GRIN2D: variants seen among roughly 807,000 people sequenced by gnomAD.
GRIN2D encodes glutamate receptor ionotropic, NMDA 2D.
GRIN2D carries 37 observed loss-of-function variants against 103.2 expected under a neutral mutation model. The observed-to-expected ratio is 0.36, with a 90% CI of 0.28 to 0.47. The LOEUF (loss-of-function observed/expected upper bound fraction) is 0.47. Ranked by LOEUF, GRIN2D falls within the 20% of genes least tolerant of loss-of-function variation. The probability of loss-of-function intolerance (pLI) is 1.00; values close to 1 mark genes in which losing one functional copy is unlikely to be tolerated. For missense variants in GRIN2D, 1,557 were observed against 1,910.6 expected, an observed-to-expected ratio of 0.81 and a Z score of 3.45; for synonymous variants, 845 against 885.6, an observed-to-expected ratio of 0.95 and a Z score of 0.81.
At position 48,442,903 on chromosome 19, in the gene GRIN2D, T is replaced by TCCCCGCCGGCCGCTCAGC. The variant is rs1007163522; in HGVS notation, c.2984_3001dup (p.Pro995_Pro1000dup). ...GCGGGGCGCAGCCGGGCGCCCGCTG[T>TCCCCGCCGGCCGCTCAGC]CCCCGCCGGCCGCTCAGCCCCCGCA... On this transcript the variant is annotated inframe_insertion, in exon 14 of 14. Transcript: ENST00000263269. The surrounding 1 kb of genome is among the most constrained non-coding windows in gnomAD (Gnocchi z 7.2). The TCCCCGCCGGCCGCTCAGC allele has an allele frequency of 1.8e-6, 2 of 1,093,188 alleles. No individual in the cohort carries two copies. The highest frequency in any genetic ancestry group is 3.4e-5 in the African/African-American group (2 of 58,320). 67.7% of individuals were successfully genotyped at this position (1,093,188 alleles called of 1,614,324 possible). A position where few individuals can be genotyped will look rare whatever the true frequency, so the allele number is the denominator to read the frequency against.
intron 11 of GRIN2D, among the ~76,000 whole-genome samples, chr19:48,425,486 C>T (rs576976193): frequency 6.6e-6 from 1 of 152,322 alleles, no homozygotes; most frequent in East Asian, 1.9e-4. Flanking sequence ...AAGTGATTCA[C>T]CTGCTTCGGC....
chr19:48,402,115 G>GGAGA (rs1970717798), intron 3 of GRIN2D, among the ~76,000 whole-genome samples: 3 of 88,024 alleles, frequency 3.4e-5, no homozygotes, highest in African/African-American at 5.3e-5. Context: ...AGAAAGAGAA[G>GGAGA]GAAAGAAAGA....
rs1971351926 is a variant in GRIN2D, at chr19:48,444,162, T to G, written c.*225T>G. 2.5e-6 allele frequency: 1 copy of G among 396,112 alleles called. No homozygotes were observed. The highest frequency in any genetic ancestry group is 4.5e-6 in the Non-Finnish European group (1 of 223,294). The allele number at this position is 396,112 out of a possible 1,614,324, so 24.5% of individuals were successfully genotyped here. On this transcript the variant is annotated 3_prime_UTR_variant, in exon 14 of 14. Transcript: ENST00000263269. This position sits in a 1 kb window ranked among gnomAD's most constrained non-coding sequence, Gnocchi z 5.5. ...CCTGAGAACGAGGGGGCGGGGGCCT[T>G]GGAGCCCACCGGACTTTTTTTTAAA...
intron 7 of GRIN2D, 150 bp from the exon 8 acceptor site, chr19:48,415,852 C>T: frequency 5.8e-6 from 4 of 689,738 alleles, no homozygotes; most frequent in Non-Finnish European, 1.0e-5. Context: ...CACTCTTCGT[C>T]CCCCTCCTCA....
At chr19:48,418,396 G>A (rs1422120271) in intron 8 of GRIN2D, among the ~76,000 whole-genome samples, 1 of 152,118 alleles carries the variant, frequency 6.6e-6, no homozygotes, top group Non-Finnish European at 1.5e-5. Context: ...AGGAGAGTGT[G>A]ACAAGGCTGA....
Position 48,442,330 on chromosome 19 carries a change from G to C in GRIN2D, c.2621G>C (p.Arg874Pro). The C allele has an allele frequency of 6.2e-7, 1 of 1,613,678 alleles. No homozygotes were observed. Among genetic ancestry groups the C allele is most frequent in the Non-Finnish European group, 8.5e-7 (1 of 1,179,998 alleles). Residue 874 changes from arginine (R) to proline (P), a missense_variant, in exon 13 of 14, where the codon CGG (arginine) becomes CCG (proline). Arg to Pro is a moderately radical substitution (Grantham distance 103). Transcript: ENST00000263269. The surrounding 1 kb of genome is among the most constrained non-coding windows in gnomAD (Gnocchi z 7.2). ...GAGCACCTGGTGTACTGGCGCCTGC[G>C]GCACTGCCTGGGGCCCACCCACCGC... ...AWEHLVYWRL[R>P]HCLGPTHRMD...
chr19:48,419,379 TC>T lies in GRIN2D; in HGVS notation c.1861+25del. 1.3e-6 allele frequency: 2 copies of T among 1,583,346 alleles called. No individual in the cohort carries two copies. The highest frequency in any genetic ancestry group is 8.5e-7 in the Non-Finnish European group (1 of 1,171,446). ...GCAAGCGTGAGTCCCCCTTCCTCCA[TC>T]CCCCGCCTCGGAGATCCCGAACCAC... On this transcript the variant is annotated intron_variant, in intron 9 of 13. Transcript: ENST00000263269.
chr19:48,439,271 A>G (rs1971265347), intron 11 of GRIN2D, among the ~76,000 whole-genome samples: 2 of 151,970 alleles, frequency 1.3e-5, no homozygotes, highest in African/African-American at 2.4e-5. Flanking sequence ...TAAAAAATAT[A>G]TAAAATACAC....
chr19:48,405,993 G>C lies in GRIN2D; in HGVS notation c.1085+640G>C, dbSNP rs759850408. Among the ~76,000 whole-genome samples the C allele has an allele frequency of 5.9e-5, 9 of 152,212 alleles. No homozygotes were observed. Among genetic ancestry groups the C allele is most frequent in the Non-Finnish European group, 1.3e-4 (9 of 68,042 alleles). On this transcript the variant is annotated intron_variant, in intron 4 of 13. Transcript: ENST00000263269. This position sits in a 1 kb window ranked among gnomAD's most constrained non-coding sequence, Gnocchi z 5.1. ...ACTTTCCTTTTGAGTAAGTGAGGCA[G>C]AAAGGACACGCCTCATACCTTACTG...
Position 48,419,701 on chromosome 19 carries a change from C to A in GRIN2D, c.1978C>A (p.Leu660Met). 2.5e-6 allele frequency: 4 copies of A among 1,613,490 alleles called. No individual in the cohort carries two copies. The highest frequency in any genetic ancestry group is 3.4e-6 in the Non-Finnish European group (4 of 1,179,834). The change falls in exon 10 of 14, where the codon CTG becomes ATG. Residue 660 changes from leucine (L) to methionine (M), a missense_variant. By Grantham distance (15) the Leu-to-Met change is conservative. This residue lies in a region of GRIN2D where 197 missense variants were observed against 334.1 expected (regional missense o/e 0.59). Coordinates refer to ENST00000263269, the MANE Select transcript of GRIN2D (RefSeq NM_000836.4). ...PRGTTSKIMV[L>M]VWAFFAVIFL... is the part of the protein sequence containing the mutation. ...GGGAACCACCAGCAAAATCATGGTG[C>A]TGGTGTGGGCCTTCTTCGCCGTCAT...
At position 48,442,668 on chromosome 19, in the gene GRIN2D, C is replaced by G; in HGVS notation, c.2742C>G (p.Pro914=). ...PPAKPPPPPQ[P]LPSPAYPAPR... is the part of the protein sequence containing the mutation. ...CCAAGCCCCCGCCGCCGCCACAGCC[C>G]CTGCCCAGCCCCGCGTACCCCGCGC... The change falls in exon 14 of 14, where the codon CCC becomes CCG. Residue 914 remains proline, a synonymous_variant. Transcript: ENST00000263269. This position sits in a 1 kb window ranked among gnomAD's most constrained non-coding sequence, Gnocchi z 7.2. The G allele has an allele frequency of 7.4e-7, 1 of 1,346,386 alleles. No individual in the cohort carries two copies. The highest frequency in any genetic ancestry group is 1.7e-5 in the South Asian group (1 of 58,524). The allele number at this position is 1,346,386 out of a possible 1,614,324, so 83.4% of individuals were successfully genotyped here. A position where few individuals can be genotyped will look rare whatever the true frequency, so the allele number is the denominator to read the frequency against.
Position 48,394,777 on chromosome 19 carries a change from C to G in GRIN2D, c.-186C>G, listed in dbSNP as rs902056241. 6.4e-6 allele frequency: 1 copy of G among 155,780 alleles called. No homozygotes were observed. Among genetic ancestry groups the G allele is most frequent in the Admixed American group, 6.5e-5 (1 of 15,310 alleles). The allele number at this position is 155,780 out of a possible 1,614,324, so 9.6% of individuals were successfully genotyped here. Reference sequence around the variant, plus strand: ...ACGGAGCCAGGGACAGACAGGAGGTCCGGGCTGCCGCTGCTGCCGCCACCA... The same window carrying G: ...ACGGAGCCAGGGACAGACAGGAGGTGCGGGCTGCCGCTGCTGCCGCCACCA... On this transcript the variant is annotated 5_prime_UTR_variant, in exon 2 of 14. Transcript: ENST00000263269. This position sits in a 1 kb window ranked among gnomAD's most constrained non-coding sequence, Gnocchi z 5.1.
Position 48,442,742 on chromosome 19 carries a change from C to A in GRIN2D, c.2816C>A (p.Ser939Ter). The A allele has an allele frequency of 9.1e-7, 1 of 1,096,880 alleles. No individual in the cohort carries two copies. Among genetic ancestry groups the A allele is most frequent in the South Asian group, 3.5e-5 (1 of 28,746 alleles). 67.9% of individuals were successfully genotyped at this position (1,096,880 alleles called of 1,614,324 possible). Reference sequence around the variant, plus strand: ...CCTTTCGTGCCCCGCGAGCGCGCCTCAGTGGACCGCTGGCGCCGGACCAAG... The same window carrying A: ...CCTTTCGTGCCCCGCGAGCGCGCCTAAGTGGACCGCTGGCGCCGGACCAAG... ...PAPFVPRERA[S>*]VDRWRRTKGA... Residue 939 changes from serine to a stop codon, truncating the protein, a stop_gained, in exon 14 of 14, where the codon TCA becomes TAA. Coordinates refer to ENST00000263269, the MANE Select transcript of GRIN2D (RefSeq NM_000836.4). LOFTEE classifies it high-confidence loss of function. The surrounding 1 kb of genome is among the most constrained non-coding windows in gnomAD (Gnocchi z 7.2).
In GRIN2D at chr19:48,442,375, T is replaced by C. The variant is rs1448907224; in HGVS notation, c.2666T>C (p.Phe889Ser). The C allele has an allele frequency of 9.3e-6, 15 of 1,610,098 alleles. No homozygotes were observed. Among genetic ancestry groups the C allele is most frequent in the Non-Finnish European group, 1.2e-5 (14 of 1,179,340 alleles). The change falls in exon 13 of 14, where the codon TTC becomes TCC. Residue 889 changes from phenylalanine to serine, a missense_variant. Phe to Ser is a radical substitution (Grantham distance 155, BLOSUM62 -2). Coordinates refer to ENST00000263269, the MANE Select transcript of GRIN2D (RefSeq NM_000836.4). This position sits in a 1 kb window ranked among gnomAD's most constrained non-coding sequence, Gnocchi z 7.2. ...CACCGCATGGACTTCCTGCTGGCCTTCTCCAGGGTATGGGGCAGAGAGGGA... is the reference window on the plus strand; with the variant it reads ...CACCGCATGGACTTCCTGCTGGCCTCCTCCAGGGTATGGGGCAGAGAGGGA... ...PTHRMDFLLA[F>S]SRGMYSCCSA...
chr19:48,415,920 G>C (rs1004361509), intron 7 of GRIN2D, 82 bp from the exon 8 acceptor site: 1 of 1,285,664 alleles, frequency 7.8e-7, no homozygotes. Flanking sequence ...CTGCTCCCGG[G>C]GCCCGTCTCT....
At chr19:48,399,818 A>G (rs1052182217) in intron 3 of GRIN2D, among the ~76,000 whole-genome samples, 1 of 123,036 alleles carries the variant, frequency 8.1e-6, no homozygotes, top group Non-Finnish European at 1.6e-5. Context: ...AGGAATTGAG[A>G]TTTGGTGCGA....
chr19:48,396,738 G>A (rs1282702220), intron 2 of GRIN2D, among the ~76,000 whole-genome samples: 1 of 151,990 alleles, frequency 6.6e-6, no homozygotes, highest in Admixed American at 6.5e-5. Context: ...GGGACGGGCT[G>A]TGGCCTCGAG....
At chr19:48,432,132 G>A (rs1370398644) in intron 11 of GRIN2D, among the ~76,000 whole-genome samples, 2 of 146,994 alleles carry the variant, frequency 1.4e-5, no homozygotes, top group Non-Finnish European at 3.0e-5. Context: ...GGATGGTCTC[G>A]ATCTCCTGAC....
At chr19:48,440,706 A>C (rs1313606757) in intron 11 of GRIN2D, among the ~76,000 whole-genome samples, 2 of 95,874 alleles carry the variant, frequency 2.1e-5, no homozygotes. Flanking sequence ...ATTTGTTTTG[A>C]GATGGCATCT....
Sources: gnomAD v4.1 joint callset for allele counts (sites outside exome capture counted in the v4.1 genomes callset) on GRCh38, gnomAD v4.1.1 for gene constraint, gnomAD v4.1.1 regional missense constraint, Gnocchi (gnomAD v3.1) non-coding constraint, MANE v1.5 for transcripts, NCBI Gene and HGNC (gene_info 2026-07-23, HGNC 2026-07-21) for gene names.